JARID2: variants seen among roughly 807,000 people sequenced by gnomAD.
JARID2 encodes jumonji and AT-rich interaction domain containing 2, also known as protein Jumonji.
A neutral mutation model predicts 125.6 loss-of-function variants in JARID2; 21 were observed. The observed-to-expected ratio is 0.17, with a 90% confidence interval of 0.12 to 0.24. The LOEUF (loss-of-function observed/expected upper bound fraction) is 0.24. JARID2 is among the 10% of genes least tolerant of loss of function. The pLI, the probability that JARID2 is intolerant of heterozygous loss-of-function variation, is 1.00. For synonymous variants in JARID2, 736 were observed against 661.6 expected, an observed-to-expected ratio of 1.11 and a Z score of -1.73; for missense variants, 1,303 against 1,639.6, an observed-to-expected ratio of 0.79 and a Z score of 3.55.
intron 2 of JARID2, among the ~76,000 whole-genome samples, chr6:15,376,011 C>T (rs1407710463): frequency 6.6e-6 from 1 of 152,188 alleles, no homozygotes; most frequent in Non-Finnish European, 1.5e-5. Flanking sequence ...GTTTGTCATT[C>T]CAGAAGCAAC....
intron 1 of JARID2, among the ~76,000 whole-genome samples, chr6:15,337,652 G>T (rs775192153): frequency 1.3e-5 from 2 of 152,114 alleles, no homozygotes; most frequent in Non-Finnish European, 1.5e-5. Flanking sequence ...ACTAAGCAAG[G>T]GGCTTTCTCC....
At chr6:15,415,571 CG>C (rs887369667) in intron 3 of JARID2, among the ~76,000 whole-genome samples, 1 of 146,652 alleles carries the variant, frequency 6.8e-6, no homozygotes, top group African/African-American at 2.6e-5. Context: ...ACCTCCCGGA[CG>C]GGGCTGCTGG....
chr6:15,312,246 G>C (rs1016504336), intron 1 of JARID2, among the ~76,000 whole-genome samples: 1 of 152,146 alleles, frequency 6.6e-6, no homozygotes, highest in African/African-American at 2.4e-5. Flanking sequence ...GTAGAGACAG[G>C]GTTTCACTGT....
chr6:15,294,890 T>C (rs1281955616), intron 1 of JARID2, among the ~76,000 whole-genome samples: 1 of 152,194 alleles, frequency 6.6e-6, no homozygotes, highest in Admixed American at 6.5e-5. Context: ...GCAGGCATCC[T>C]GGAGCAGAAG....
intron 1 of JARID2, among the ~76,000 whole-genome samples, chr6:15,295,787 C>G (rs1427037819): frequency 6.6e-6 from 1 of 152,168 alleles, no homozygotes; most frequent in Non-Finnish European, 1.5e-5. Flanking sequence ...CCTCAGCCTT[C>G]TAAGTAGCTG....
chr6:15,448,767 A>C (rs1349947731), intron 3 of JARID2, among the ~76,000 whole-genome samples: 2 of 152,040 alleles, frequency 1.3e-5, no homozygotes, highest in African/African-American at 4.8e-5. Context: ...AGGGTTCTGT[A>C]GCCTTCCCTC....
chr6:15,398,707 C>A (rs546026484), intron 2 of JARID2, among the ~76,000 whole-genome samples: 4 of 152,160 alleles, frequency 2.6e-5, no homozygotes, highest in Admixed American at 1.3e-4. Flanking sequence ...TTTAAATACC[C>A]GTTTCTCTTT....
chr6:15,397,046 C>T (rs752648396), intron 2 of JARID2, among the ~76,000 whole-genome samples: 1 of 152,200 alleles, frequency 6.6e-6, no homozygotes, highest in African/African-American at 2.4e-5. Context: ...ACCAAGCCTT[C>T]TTGGAAAGCA....
rs1217158646 is a variant in JARID2, at chr6:15,504,517, A to C, written c.2466A>C (p.Leu822=). ...KCIYKGRSVS[L]TTFYRTARNI... ...TGTTTCAGGGAAGGTCTGTTTCTCTAACAACTTTTTATCGAACAGCGAGGA... is the reference window on the plus strand; with the variant it reads ...TGTTTCAGGGAAGGTCTGTTTCTCTCACAACTTTTTATCGAACAGCGAGGA... The change falls in exon 9 of 18, where the codon CTA becomes CTC. Residue 822 remains leucine (L), a synonymous_variant. Transcript: ENST00000341776. 6.2e-7 allele frequency: 1 copy of C among 1,613,640 alleles called. No homozygotes were observed. Among genetic ancestry groups the C allele is most frequent in the Non-Finnish European group, 8.5e-7 (1 of 1,179,576 alleles).
intron 2 of JARID2, among the ~76,000 whole-genome samples, chr6:15,387,811 G>A (rs1199640722): frequency 1.3e-5 from 2 of 152,162 alleles, no homozygotes; most frequent in Non-Finnish European, 2.9e-5. Context: ...AGTTGTGATG[G>A]TCCTGGGAGG....
chr6:15,499,422 G>A (rs1375110483), intron 7 of JARID2, among the ~76,000 whole-genome samples: 1 of 152,200 alleles, frequency 6.6e-6, no homozygotes, highest in Admixed American at 6.5e-5. Flanking sequence ...TCTTGCAAGC[G>A]CTGTGTGATT....
At chr6:15,300,714 T>TGAGAGAGAGAGA (rs1761583360) in intron 1 of JARID2, among the ~76,000 whole-genome samples, 2 of 139,952 alleles carry the variant, frequency 1.4e-5, no homozygotes, top group Non-Finnish European at 3.1e-5. Context: ...TGTGTGTGTG[T>TGAGAGAGAGAGA]GTGTGTGTGA....
At chr6:15,381,072 G>T (rs967876819) in intron 2 of JARID2, among the ~76,000 whole-genome samples, 8 of 151,660 alleles carry the variant, frequency 5.3e-5, no homozygotes, top group African/African-American at 1.7e-4. Context: ...GTGGCTTATG[G>T]GCCGGGCGCG....
intron 5 of JARID2, among the ~76,000 whole-genome samples, chr6:15,470,263 A>G (rs1769011321): frequency 6.6e-6 from 1 of 152,050 alleles, no homozygotes; most frequent in Non-Finnish European, 1.5e-5. Flanking sequence ...TTGTCCTCCT[A>G]TCAGCTACTC....
chr6:15,289,527 A>G (rs933130968), intron 1 of JARID2, among the ~76,000 whole-genome samples: 2 of 151,694 alleles, frequency 1.3e-5, no homozygotes, highest in Non-Finnish European at 2.9e-5. Flanking sequence ...GCCACTGCCC[A>G]GCCCCTTCTT....
intron 3 of JARID2, among the ~76,000 whole-genome samples, chr6:15,417,135 T>C (rs1766266012): frequency 6.6e-6 from 1 of 151,576 alleles, no homozygotes; most frequent in African/African-American, 2.4e-5. Flanking sequence ...ATTAACTGTT[T>C]ATTTTTATCT....
At chr6:15,383,783 T>G (rs1446488865) in intron 2 of JARID2, among the ~76,000 whole-genome samples, 1 of 152,084 alleles carries the variant, frequency 6.6e-6, no homozygotes, top group Non-Finnish European at 1.5e-5. Flanking sequence ...CCTGCTTGAC[T>G]GCTGCATTTT....
chr6:15,483,929 C>T (rs1446811971), intron 5 of JARID2, among the ~76,000 whole-genome samples: 1 of 152,140 alleles, frequency 6.6e-6, no homozygotes, highest in African/African-American at 2.4e-5. Context: ...TATGATATGA[C>T]TTTACATCCT....
chr6:15,342,442 C>G (rs1054529481), intron 1 of JARID2, among the ~76,000 whole-genome samples: 1 of 152,208 alleles, frequency 6.6e-6, no homozygotes, highest in African/African-American at 2.4e-5. Flanking sequence ...TTTGTCAGCC[C>G]AGTCACTGTC....
Sources: allele counts gnomAD v4.1 joint callset (sites outside exome capture counted in the v4.1 genomes callset), GRCh38; gene constraint gnomAD v4.1.1; transcripts MANE v1.5; gene names NCBI Gene and HGNC (gene_info 2026-07-23, HGNC 2026-07-21).